Variants in RCC1 observed in about 807,000 individuals in gnomAD.
RCC1 encodes the protein regulator of chromosome condensation.
In RCC1, 11 loss-of-function variants were observed where a neutral mutation model predicts 44.4. The observed-to-expected ratio is 0.25, with a 90% CI of 0.16 to 0.41. The LOEUF (loss-of-function observed/expected upper bound fraction) is 0.41. Among genes scored for constraint, RCC1 ranks in the 10% least tolerant of loss-of-function variants. The pLI is 1.00. For synonymous variants in RCC1, 213 were observed against 216.5 expected, an observed-to-expected ratio of 0.98 and a Z score of 0.14; for missense variants, 386 against 547.1, an observed-to-expected ratio of 0.71 and a Z score of 2.94.
chr1:28,512,036 G>A (rs112671550), intron 3 of RCC1, among the ~76,000 whole-genome samples: 16,709 of 143,474 alleles, frequency 0.12, 2,350 homozygotes, highest in African/African-American at 0.35. Flanking sequence ...GTGCAGTGGC[G>A]TGATCTCAGC....
At chr1:28,513,203 AT>A (rs1175622741) in intron 3 of RCC1, among the ~76,000 whole-genome samples, 1 of 151,632 alleles carries the variant, frequency 6.6e-6, no homozygotes, top group Non-Finnish European at 1.5e-5. Context: ...CGCCCAGCTA[AT>A]TTTTTTGTAT....
Position 28,529,896 on chromosome 1 carries a change from G to T in RCC1, c.30G>T (p.Arg10Ser), listed in dbSNP as rs1664007116. The change falls in exon 5 of 13, where the codon AGG becomes AGT. Residue 10 changes from arginine (R) to serine (S), a missense_variant. Coordinates refer to ENST00000683442, the MANE Select transcript of RCC1 (RefSeq NM_001381865.2). Reference sequence around the variant, plus strand: ...CACCCAAGCGCATAGCTAAAAGAAGGTCCCCCCCAGCAGATGCCATCCCCA... The same window carrying T: ...CACCCAAGCGCATAGCTAAAAGAAGTTCCCCCCCAGCAGATGCCATCCCCA... The part of the protein sequence containing the change: MSPKRIAKR[R>S]SPPADAIPKS... The T allele has an allele frequency of 1.9e-6, 3 of 1,613,894 alleles. No individual in the cohort carries two copies. Among genetic ancestry groups the T allele is most frequent in the Admixed American group, 1.7e-5 (1 of 59,956 alleles).
At chr1:28,513,747 G>T (rs1474915977) in intron 3 of RCC1, among the ~76,000 whole-genome samples, 1 of 151,962 alleles carries the variant, frequency 6.6e-6, no homozygotes, top group Non-Finnish European at 1.5e-5. Flanking sequence ...ACTATGGCTG[G>T]CTAAATTTTG....
chr1:28,529,385 T>C (rs1228508101), intron 4 of RCC1, among the ~76,000 whole-genome samples: 2 of 151,962 alleles, frequency 1.3e-5, no homozygotes, highest in Admixed American at 1.3e-4. Flanking sequence ...GGTTTTGCCA[T>C]GTTGGCCAGG....
intron 4 of RCC1, among the ~76,000 whole-genome samples, chr1:28,521,449 C>T (rs979626806): frequency 1.4e-5 from 2 of 148,114 alleles, no homozygotes; most frequent in South Asian, 2.1e-4. Context: ...TGCAGTGAGC[C>T]GATATCGCGC....
intron 4 of RCC1, among the ~76,000 whole-genome samples, chr1:28,527,442 C>T (rs1663743841): frequency 6.6e-6 from 1 of 152,110 alleles, no homozygotes; most frequent in Admixed American, 6.6e-5. Flanking sequence ...GGGGTTTCGC[C>T]ATGTTGCCCA....
chr1:28,507,352 G>C (rs753144802), intron 1 of RCC1: 2 of 518,856 alleles, frequency 3.9e-6, no homozygotes, highest in South Asian at 1.4e-5. Flanking sequence ...AAATTTATGC[G>C]TTACACTGAT....
intron 4 of RCC1, chr1:28,518,326 C>G (rs999378310): frequency 6.6e-6 from 1 of 152,284 alleles, no homozygotes; most frequent in African/African-American, 2.4e-5. Context: ...TCGCCTGGGA[C>G]GCGCGGAGGG....
chr1:28,510,451 T>G (rs1008988105), intron 3 of RCC1: 1 of 152,154 alleles, frequency 6.6e-6, no homozygotes, highest in African/African-American at 2.4e-5. Context: ...GGTGAAACCC[T>G]GTCTGTACTA....
intron 4 of RCC1, among the ~76,000 whole-genome samples, chr1:28,525,054 C>T (rs1663555548): frequency 6.6e-6 from 1 of 152,040 alleles, no homozygotes; most frequent in Non-Finnish European, 1.5e-5. Context: ...TGAGCAGTTC[C>T]TGTCCCTTTT....
intron 4 of RCC1, among the ~76,000 whole-genome samples, chr1:28,517,152 A>G (rs1271038731): frequency 6.6e-6 from 1 of 152,082 alleles, no homozygotes; most frequent in Non-Finnish European, 1.5e-5. Flanking sequence ...TCAGTTGGTA[A>G]GAACTCATCA....
chr1:28,529,262 C>T (rs1234105839), intron 4 of RCC1, among the ~76,000 whole-genome samples: 1 of 149,062 alleles, frequency 6.7e-6, no homozygotes, highest in Non-Finnish European at 1.5e-5. Context: ...TGGCTCACCA[C>T]AACCTCCACC....
intron 5 of RCC1, among the ~76,000 whole-genome samples, chr1:28,531,004 T>A (rs983918490): frequency 6.6e-6 from 1 of 152,122 alleles, no homozygotes; most frequent in African/African-American, 2.4e-5. Flanking sequence ...CGGGGCAAGG[T>A]GGCTCACGCC....
At chr1:28,531,639 C>G (rs1241653620) in intron 5 of RCC1, among the ~76,000 whole-genome samples, 164 bp from the exon 6 acceptor site, 1 of 129,224 alleles carries the variant, frequency 7.7e-6, no homozygotes, top group Non-Finnish European at 1.6e-5. Flanking sequence ...GAGAGAGGTA[C>G]TTTTGTTGTC....
In RCC1 at chr1:28,516,886, A is replaced by G. The variant is rs1662927629; in HGVS notation, c.-10+19A>G. 1 of 456,360 alleles carries G rather than the reference A, an allele frequency of 2.2e-6. No homozygotes were observed. The highest frequency in any genetic ancestry group is 4.4e-6 in the Non-Finnish European group (1 of 226,868). The allele number at this position is 456,360 out of a possible 1,614,324, so 28.3% of individuals were successfully genotyped here. On this transcript the variant is annotated intron_variant, in intron 4 of 12. Coordinates refer to ENST00000683442, the MANE Select transcript of RCC1 (RefSeq NM_001381865.2). ...TGGAGAGGTAAGAAACCCTGAAGAC[A>G]GGGGAGTGCTTTGTGGCAGGCTCTG...
chr1:28,535,462 T>C, intron 9 of RCC1, 82 bp downstream of exon 9: 1 of 1,586,480 alleles, frequency 6.3e-7, no homozygotes, highest in Admixed American at 1.7e-5. Flanking sequence ...GGATTTGCTG[T>C]GGTCAGGCTT....
Position 28,536,850 on chromosome 1 carries a change from C to G in RCC1, c.1041C>G (p.Val347=). ...CCCTCATCTCCAGGCTGCCTGCTGT[C>G]TCCTCGGTGGCTTGTGGGGCCTCTG... is the stretch of plus-strand genomic sequence containing the variant. ...IPTLISRLPA[V]SSVACGASVG... Residue 347 remains valine, a synonymous_variant, in exon 12 of 13, where the codon GTC becomes GTG. Coordinates refer to ENST00000683442, the MANE Select transcript of RCC1 (RefSeq NM_001381865.2). The surrounding 1 kb of genome is among the most constrained non-coding windows in gnomAD (Gnocchi z 4.9). The G allele has an allele frequency of 6.2e-7, 1 of 1,614,200 alleles. No individual in the cohort carries two copies. Among genetic ancestry groups the G allele is most frequent in the East Asian group, 2.2e-5 (1 of 44,884 alleles).
At chr1:28,524,739 T>C (rs1208336498) in intron 4 of RCC1, among the ~76,000 whole-genome samples, 4 of 151,870 alleles carry the variant, frequency 2.6e-5, no homozygotes, top group Non-Finnish European at 4.4e-5. Context: ...ACACCTGTAG[T>C]CCCAGCTATC....
intron 4 of RCC1, among the ~76,000 whole-genome samples, chr1:28,521,456 G>A (rs1277360558): frequency 4.7e-5 from 7 of 149,446 alleles, no homozygotes; most frequent in African/African-American, 7.5e-5. Flanking sequence ...AGCCGATATC[G>A]CGCCATTGCC....
Sources: allele counts gnomAD v4.1 joint callset (sites outside exome capture counted in the v4.1 genomes callset), GRCh38; gene constraint gnomAD v4.1.1; non-coding constraint Gnocchi (gnomAD v3.1); transcripts MANE v1.5; gene names NCBI Gene and HGNC (gene_info 2026-07-23, HGNC 2026-07-21).